OR7A17: variants seen among roughly 807,000 people sequenced by gnomAD.
The protein encoded by OR7A17 is olfactory receptor 7A17.
For missense variants in OR7A17, 366 were observed against 365.5 expected (o/e 1.00, Z -0.01); for synonymous variants, 159 against 142.1 (o/e 1.12, Z -0.85).
rs746862085 is a variant in OR7A17 at position 14,881,285 on chromosome 19, T to A, written c.71A>T (p.Gln24Leu). ...LLGLSEEPELQPFLFGLFLSM... is the reference protein window; with the variant it reads ...LLGLSEEPELLPFLFGLFLSM... Reference sequence around the variant, plus strand: ...CAGAAACAGCCCAAAGAGGAAGGGCTGCAATTCTGGTTCCTCAGAAAGTCC... The same window carrying A: ...CAGAAACAGCCCAAAGAGGAAGGGCAGCAATTCTGGTTCCTCAGAAAGTCC... The change falls in exon 3 of 3, where the codon CAG (glutamine) becomes CTG (leucine). Residue 24 changes from glutamine to leucine, a missense_variant. By Grantham distance (113) the Gln-to-Leu change is moderately radical. Coordinates refer to ENST00000641113, the MANE Select transcript of OR7A17 (RefSeq NM_030901.2). The A allele has an allele frequency of 1.2e-6, 2 of 1,610,610 alleles. No homozygotes were observed. The highest frequency in any genetic ancestry group is 3.3e-5 in the Admixed American group (2 of 59,820).
Position 14,880,356 on chromosome 19 carries a change from G to T in OR7A17, c.*70C>A. 7.5e-7 allele frequency: 1 copy of T among 1,339,076 alleles called. No individual in the cohort carries two copies. The highest frequency in any genetic ancestry group is 1.0e-6 in the Non-Finnish European group (1 of 980,194). 82.9% of individuals were successfully genotyped at this position (1,339,076 alleles called of 1,614,324 possible). A position where few individuals can be genotyped will look rare whatever the true frequency, so the allele number is the denominator to read the frequency against. On this transcript the variant is annotated 3_prime_UTR_variant, in exon 3 of 3. Transcript: ENST00000641113. Reference sequence around the variant, plus strand: ...AAATTCCACTTTCACAACCTGATTCGTGAATCACAATTTCTGAGTATGAGA... The same window carrying T: ...AAATTCCACTTTCACAACCTGATTCTTGAATCACAATTTCTGAGTATGAGA...
At position 14,880,855 on chromosome 19, in the gene OR7A17, G is replaced by T; in HGVS notation, c.501C>A (p.Ser167=). The change falls in exon 3 of 3, where the codon TCC becomes TCA. Residue 167 remains serine, a synonymous_variant. Transcript: ENST00000641113. ...LSQSLMVLWL[S]FCTDLEIPHF... ...GGGGGATTTCCAAGTCTGTGCAGAA[G>T]GACAGCCACAATACCATTAAGCTTT... 1 of 1,614,182 alleles carries T rather than the reference G, an allele frequency of 6.2e-7. No individual in the cohort carries two copies. Among genetic ancestry groups the T allele is most frequent in the Non-Finnish European group, 8.5e-7 (1 of 1,180,040 alleles).
chr19:14,880,349 C>A lies in OR7A17; in HGVS notation c.*77G>T. The A allele has an allele frequency of 1.5e-6, 2 of 1,293,430 alleles. No individual in the cohort carries two copies. Among genetic ancestry groups the A allele is most frequent in the East Asian group, 2.4e-5 (1 of 42,504 alleles). 80.1% of individuals were successfully genotyped at this position (1,293,430 alleles called of 1,614,324 possible). The stretch of plus-strand genomic sequence containing the variant: ...AAGGAGCAAATTCCACTTTCACAAC[C>A]TGATTCGTGAATCACAATTTCTGAG... On this transcript the variant is annotated 3_prime_UTR_variant, in exon 3 of 3. Transcript: ENST00000641113.
intron 1 of OR7A17, among the ~76,000 whole-genome samples, chr19:14,884,175 T>G (rs556213181): frequency 6.6e-6 from 1 of 152,298 alleles, no homozygotes; most frequent in East Asian, 1.9e-4. Flanking sequence ...ATATAAGATC[T>G]TAGTGTAGAC....
In OR7A17 at chr19:14,880,371, T is replaced by G. The variant is rs917024231; in HGVS notation, c.*55A>C. Reference sequence around the variant, plus strand: ...AACCTGATTCGTGAATCACAATTTCTGAGTATGAGACTTAAAGCTCTGAAA... The same window carrying G: ...AACCTGATTCGTGAATCACAATTTCGGAGTATGAGACTTAAAGCTCTGAAA... On this transcript the variant is annotated 3_prime_UTR_variant, in exon 3 of 3. Coordinates refer to ENST00000641113, the MANE Select transcript of OR7A17 (RefSeq NM_030901.2). 3.5e-6 allele frequency: 5 copies of G among 1,414,472 alleles called. No homozygotes were observed. The highest frequency in any genetic ancestry group is 1.8e-4 in the Middle Eastern group (1 of 5,442). The allele number at this position is 1,414,472 out of a possible 1,614,324, so 87.6% of individuals were successfully genotyped here. A position where few individuals can be genotyped will look rare whatever the true frequency, so the allele number is the denominator to read the frequency against.
chr19:14,883,126 A>G (rs2045120301), intron 1 of OR7A17, among the ~76,000 whole-genome samples: 1 of 152,186 alleles, frequency 6.6e-6, no homozygotes, highest in East Asian at 1.9e-4. Context: ...TGTAACATGC[A>G]ATGTCCTTCC....
Position 14,878,712 on chromosome 19 carries a change from G to A in OR7A17, c.*1714C>T, listed in dbSNP as rs1599943979. On this transcript the variant is annotated 3_prime_UTR_variant, in exon 3 of 3. Coordinates refer to ENST00000641113, the MANE Select transcript of OR7A17 (RefSeq NM_030901.2). ...TTTTTTTTTTTGAGATGGAGTCTCT[G>A]TCACCCAGGCTGGAGTGCAGTGGTG... 6.6e-6 allele frequency: 1 copy of A among 151,986 alleles called. No individual in the cohort carries two copies. Among genetic ancestry groups the A allele is most frequent in the Non-Finnish European group, 1.5e-5 (1 of 68,102 alleles). The allele number at this position is 151,986 out of a possible 1,614,324, so 9.4% of individuals were successfully genotyped here. A position where few individuals can be genotyped will look rare whatever the true frequency, so the allele number is the denominator to read the frequency against.
At chr19:14,884,644 C>G (rs1345127038) in intron 1 of OR7A17, 15 of 152,054 alleles carry the variant, frequency 9.9e-5, no homozygotes, top group Admixed American at 9.8e-4. Flanking sequence ...GCCTACCAAC[C>G]AAAAAGAGGC....
At chr19:14,883,519 A>G (rs2045122323) in intron 1 of OR7A17, among the ~76,000 whole-genome samples, 1 of 152,176 alleles carries the variant, frequency 6.6e-6, no homozygotes, top group South Asian at 2.1e-4. Flanking sequence ...GAAATTCTCC[A>G]TATGATTTCA....
intron 1 of OR7A17, among the ~76,000 whole-genome samples, chr19:14,883,298 G>T (rs2145120978): frequency 6.6e-6 from 1 of 152,308 alleles, no homozygotes; most frequent in South Asian, 2.1e-4. Flanking sequence ...AAATTAGCCA[G>T]GTGTGGAGGC....
chr19:14,884,401 G>A (rs1171409792), intron 1 of OR7A17, among the ~76,000 whole-genome samples: 2 of 151,954 alleles, frequency 1.3e-5, no homozygotes, highest in East Asian at 3.9e-4. Context: ...GAACAGCCGG[G>A]GCATCATAGT....
chr19:14,885,318 A>C (rs746196346), intron 1 of OR7A17, among the ~76,000 whole-genome samples: 1 of 152,176 alleles, frequency 6.6e-6, no homozygotes, highest in Non-Finnish European at 1.5e-5. Flanking sequence ...ATTCAAATAC[A>C]AAGAGAGGAA....
rs2045094657 is a variant in OR7A17 at position 14,879,366 on chromosome 19, A to G, written c.*1060T>C. On this transcript the variant is annotated 3_prime_UTR_variant, in exon 3 of 3. Transcript: ENST00000641113. The stretch of plus-strand genomic sequence containing the variant: ...AACCTCCGTCTCCCGGGTTCAAACC[A>G]TTCTCCTGCCTCAGTCTCCTGCGTA... The G allele has an allele frequency of 6.6e-6, 1 of 151,322 alleles. No individual in the cohort carries two copies. Among genetic ancestry groups the G allele is most frequent in the African/African-American group, 2.4e-5 (1 of 41,102 alleles). The allele number at this position is 151,322 out of a possible 1,614,324, so 9.4% of individuals were successfully genotyped here.
rs60445901 is a variant in OR7A17 at position 14,881,366 on chromosome 19, CTATTTATTTATTTATTTATT to C, written c.-31_-12del. The C allele has an allele frequency of 1.7e-4, 169 of 1,018,328 alleles. 12 individuals carry two copies. In the African/African-American group the frequency reaches 2.1e-3, roughly 13 times the overall value. The allele number at this position is 1,018,328 out of a possible 1,614,324, so 63.1% of individuals were successfully genotyped here. Reference sequence around the variant, plus strand: ...ATTCTCTGGTTCCATCTTTTTTTTTCTATTTATTTATTTATTTATTTATTTATTTATTTATTTATTAACAT... The same window carrying C: ...ATTCTCTGGTTCCATCTTTTTTTTTCTATTTATTTATTTATTTATTAACAT... On this transcript the variant is annotated 5_prime_UTR_variant, in exon 3 of 3. Transcript: ENST00000641113.
rs761019903 is a variant in OR7A17, at chr19:14,878,905, A to C, written c.*1521T>G. ...TGGCCAGCCTGGTCTTGAACTCCTG[A>C]CTTCAGGTAATCCACTTGCCTCAGC... On this transcript the variant is annotated 3_prime_UTR_variant, in exon 3 of 3. Coordinates refer to ENST00000641113, the MANE Select transcript of OR7A17 (RefSeq NM_030901.2). The C allele has an allele frequency of 6.6e-6, 1 of 152,092 alleles. No individual in the cohort carries two copies. The highest frequency in any genetic ancestry group is 1.5e-5 in the Non-Finnish European group (1 of 68,012). The allele number at this position is 152,092 out of a possible 1,614,324, so 9.4% of individuals were successfully genotyped here.
intron 1 of OR7A17, among the ~76,000 whole-genome samples, chr19:14,882,086 GCTCTCTCT>G (rs35963447): frequency 2.0e-5 from 3 of 147,648 alleles, no homozygotes; most frequent in Non-Finnish European, 3.0e-5. Context: ...ACGCTCTCTC[GCTCTCTCT>G]CTCTCTCTCT....
rs780991808 is a variant in OR7A17, at chr19:14,881,381, T to C, written c.-26A>G. 8.9e-7 allele frequency: 1 copy of C among 1,124,690 alleles called. No individual in the cohort carries two copies. Among genetic ancestry groups the C allele is most frequent in the Non-Finnish European group, 1.1e-6 (1 of 873,560 alleles). 69.7% of individuals were successfully genotyped at this position (1,124,690 alleles called of 1,614,324 possible). ...CTTTTTTTTTCTATTTATTTATTTA[T>C]TTATTTATTTATTTATTTATTTATT... On this transcript the variant is annotated 5_prime_UTR_variant, in exon 3 of 3. Coordinates refer to ENST00000641113, the MANE Select transcript of OR7A17 (RefSeq NM_030901.2).
intron 2 of OR7A17, 25 bp downstream of exon 2, chr19:14,881,749 T>G (rs1412032996): frequency 6.6e-6 from 1 of 152,640 alleles, no homozygotes; most frequent in Non-Finnish European, 1.5e-5. Flanking sequence ...ATTGGCTAAA[T>G]CTAGCCAATT....
Position 14,878,558 on chromosome 19 carries a change from AT to A in OR7A17, c.*1867del, listed in dbSNP as rs956767218. On this transcript the variant is annotated 3_prime_UTR_variant, in exon 3 of 3. Transcript: ENST00000641113. ...AGAAACAGTAAAATGATATAATGAA[AT>A]TACATAGACTGTGATTCCAAATCCT... 6.6e-6 allele frequency: 1 copy of A among 152,232 alleles called. No homozygotes were observed. The highest frequency in any genetic ancestry group is 1.5e-5 in the Non-Finnish European group (1 of 68,036). 9.4% of individuals were successfully genotyped at this position (152,232 alleles called of 1,614,324 possible). A position where few individuals can be genotyped will look rare whatever the true frequency, so the allele number is the denominator to read the frequency against.
Sources: gnomAD v4.1 joint callset for allele counts (sites outside exome capture counted in the v4.1 genomes callset) on GRCh38, gnomAD v4.1.1 for gene constraint, MANE v1.5 for transcripts, NCBI Gene and HGNC (gene_info 2026-07-23, HGNC 2026-07-21) for gene names.